PLAC8L1: variants seen among roughly 807,000 people sequenced by gnomAD.
PLAC8L1 encodes PLAC8-like protein 1.
A neutral mutation model predicts 16.3 loss-of-function variants in PLAC8L1; 13 were observed. The ratio of observed to expected loss-of-function variants is 0.80; its 90% CI spans 0.52 to 1.27. The LOEUF (loss-of-function observed/expected upper bound fraction) is 1.27. PLAC8L1 is among the 50% of genes most tolerant of loss of function. The pLI, the probability that PLAC8L1 is intolerant of heterozygous loss-of-function variation, is 0.00. For synonymous variants in PLAC8L1, 78 were observed against 79.3 expected, an observed-to-expected ratio of 0.98 and a Z score of 0.09; for missense variants, 184 against 220.2, an observed-to-expected ratio of 0.84 and a Z score of 1.04.
At position 146,104,546 on chromosome 5, in the gene PLAC8L1, G is replaced by T; in HGVS notation, c.-235C>A. On this transcript the variant is annotated 5_prime_UTR_variant, in exon 1 of 4. Transcript: ENST00000311450. ...TAATCTGTAGGGAGATATTGCTGGAGTATAGAGTAAATAGAAGAAAAAGAC... is the reference window on the plus strand; with the variant it reads ...TAATCTGTAGGGAGATATTGCTGGATTATAGAGTAAATAGAAGAAAAAGAC... 1 of 384,332 alleles carries T rather than the reference G, an allele frequency of 2.6e-6. No homozygotes were observed. The highest frequency in any genetic ancestry group is 4.8e-6 in the Non-Finnish European group (1 of 209,974). The allele number at this position is 384,332 out of a possible 1,614,324, so 23.8% of individuals were successfully genotyped here.
At position 146,084,560 on chromosome 5, in the gene PLAC8L1, C is replaced by T; in HGVS notation, c.406G>A (p.Glu136Lys). 6.2e-7 allele frequency: 1 copy of T among 1,613,778 alleles called. No individual in the cohort carries two copies. The highest frequency in any genetic ancestry group is 8.5e-7 in the Non-Finnish European group (1 of 1,180,036). ...CAGCAGTGCACCGCCAGCCAGTCTT[C>T]ACACAGTGTGCCCTAGGGCAAGACC... ...ERHKIQGTLC[E>K]DWLAVHCCWA... The change falls in exon 4 of 4, where the codon GAA becomes AAA. Residue 136 changes from glutamate (E) to lysine (K), a missense_variant. Glu to Lys is a moderately conservative substitution (Grantham distance 56). Transcript: ENST00000311450.
intron 2 of PLAC8L1, among the ~76,000 whole-genome samples, chr5:146,090,083 T>C (rs1763586377): frequency 6.6e-6 from 1 of 152,068 alleles, no homozygotes; most frequent in African/African-American, 2.4e-5. Context: ...TGCTGCTCTG[T>C]ACTGTGAGGA....
intron 2 of PLAC8L1, among the ~76,000 whole-genome samples, chr5:146,090,243 A>G (rs1763589108): frequency 6.6e-6 from 1 of 152,102 alleles, no homozygotes; most frequent in African/African-American, 2.4e-5. Flanking sequence ...GAATATATAA[A>G]GAACTCTTGG....
intron 3 of PLAC8L1, 144 bp downstream of exon 3, chr5:146,085,317 A>T: frequency 1.2e-6 from 1 of 829,788 alleles, no homozygotes; most frequent in Non-Finnish European, 1.8e-6. Flanking sequence ...TTTTAAATGT[A>T]TTTCCTTTCT....
intron 2 of PLAC8L1, among the ~76,000 whole-genome samples, chr5:146,094,826 T>C (rs951244317): frequency 6.6e-6 from 1 of 152,256 alleles, no homozygotes; most frequent in African/African-American, 2.4e-5. Flanking sequence ...CTGTTCATAA[T>C]GTACCCTTTG....
intron 2 of PLAC8L1, among the ~76,000 whole-genome samples, chr5:146,086,985 G>C (rs1763526717): frequency 6.6e-6 from 1 of 152,178 alleles, no homozygotes; most frequent in Non-Finnish European, 1.5e-5. Context: ...CAAATGTGTG[G>C]AACATTGCTC....
intron 1 of PLAC8L1, among the ~76,000 whole-genome samples, chr5:146,101,102 T>C (rs777789959): frequency 6.8e-6 from 1 of 146,114 alleles, no homozygotes; most frequent in Non-Finnish European, 1.5e-5. Flanking sequence ...GAAGCTAACG[T>C]AGAAGGATTG....
intron 1 of PLAC8L1, among the ~76,000 whole-genome samples, chr5:146,098,665 G>C (rs975417291): frequency 7.2e-5 from 11 of 152,162 alleles, no homozygotes; most frequent in African/African-American, 2.7e-4. Flanking sequence ...GCTTTCCGTT[G>C]GTTCTGATGA....
intron 1 of PLAC8L1, among the ~76,000 whole-genome samples, chr5:146,101,116 G>C (rs1289019226): frequency 2.0e-5 from 3 of 150,510 alleles, no homozygotes; most frequent in Non-Finnish European, 4.4e-5. Context: ...AGGATTGCTT[G>C]AGCCTGGGAG....
intron 2 of PLAC8L1, 76 bp downstream of exon 2, chr5:146,098,080 C>A: frequency 1.4e-6 from 2 of 1,474,694 alleles, no homozygotes; most frequent in Non-Finnish European, 1.9e-6. Context: ...CTTGTGCCTG[C>A]TGTAGGTTTT....
chr5:146,094,466 T>C (rs892863885), intron 2 of PLAC8L1, among the ~76,000 whole-genome samples: 1 of 152,222 alleles, frequency 6.6e-6, no homozygotes, highest in Non-Finnish European at 1.5e-5. Flanking sequence ...CTTGTGCCTA[T>C]ACATGGGAAG....
chr5:146,097,792 G>C (rs1326010464), intron 2 of PLAC8L1, among the ~76,000 whole-genome samples: 4 of 152,114 alleles, frequency 2.6e-5, no homozygotes, highest in Non-Finnish European at 4.4e-5. Context: ...TGTAATTACT[G>C]GGTCAAAAGC....
Position 146,104,509 on chromosome 5 carries a change from C to T in PLAC8L1, c.-198G>A. The T allele has an allele frequency of 2.0e-6, 1 of 490,206 alleles. No individual in the cohort carries two copies. Among genetic ancestry groups the T allele is most frequent in the Non-Finnish European group, 3.7e-6 (1 of 270,694 alleles). The allele number at this position is 490,206 out of a possible 1,614,324, so 30.4% of individuals were successfully genotyped here. On this transcript the variant is annotated 5_prime_UTR_variant, in exon 1 of 4. It adds an upstream start codon to the 5' untranslated region. Coordinates refer to ENST00000311450, the MANE Select transcript of PLAC8L1 (RefSeq NM_001029869.3). ...ACAGGTATACACCTAACTGTGGACACATTCATCTTACTAATCTGTAGGGAG... is the reference window on the plus strand; with the variant it reads ...ACAGGTATACACCTAACTGTGGACATATTCATCTTACTAATCTGTAGGGAG...
In PLAC8L1 at chr5:146,092,884, T is replaced by C. The variant is rs551797863; in HGVS notation, c.256+5272A>G. Among the ~76,000 whole-genome samples the C allele has an allele frequency of 5.9e-5, 9 of 152,200 alleles. 1 individual carries two copies. In the East Asian group the frequency reaches 1.7e-3, roughly 29 times the overall value. On this transcript the variant is annotated intron_variant, in intron 2 of 3. Transcript: ENST00000311450. ...TAGCTCCAGATATGTTGATATGGTC[T>C]GATCACCTAGGTATGTTTTTTTTTC...
At chr5:146,103,978 C>A (rs1325916152) in intron 1 of PLAC8L1, 1 of 985,218 alleles carries the variant, frequency 1.0e-6, no homozygotes, top group Non-Finnish European at 1.2e-6. Flanking sequence ...AAAGAGATAC[C>A]ATTTCACCCA....
intron 1 of PLAC8L1, chr5:146,103,681 C>T: frequency 1.0e-6 from 1 of 985,378 alleles, no homozygotes; most frequent in Non-Finnish European, 1.2e-6. Flanking sequence ...GGATGAGATA[C>T]ATACTTTTCC....
At chr5:146,085,193 G>A (rs773098169) in intron 3 of PLAC8L1, among the ~76,000 whole-genome samples, 3 of 152,118 alleles carry the variant, frequency 2.0e-5, no homozygotes, top group Admixed American at 6.6e-5. Context: ...CAAGGTGGGC[G>A]GATCACTTGA....
intron 2 of PLAC8L1, among the ~76,000 whole-genome samples, chr5:146,094,151 C>T (rs997086597): frequency 3.9e-5 from 6 of 152,146 alleles, no homozygotes; most frequent in African/African-American, 9.7e-5. Flanking sequence ...TGTGCAATCT[C>T]GACTCACTGC....
intron 1 of PLAC8L1, among the ~76,000 whole-genome samples, chr5:146,101,983 C>T (rs1425201580): frequency 6.6e-6 from 1 of 151,064 alleles, no homozygotes; most frequent in Non-Finnish European, 1.5e-5. Context: ...AATCAAATAA[C>T]TAACAGGATA....
Sources: allele counts gnomAD v4.1 joint callset (sites outside exome capture counted in the v4.1 genomes callset), GRCh38; gene constraint gnomAD v4.1.1; transcripts MANE v1.5; gene names NCBI Gene and HGNC (gene_info 2026-07-23, HGNC 2026-07-21).